The following ULBP3 variants were observed in gnomAD, a reference collection of about 807,000 sequenced individuals.
ULBP3 encodes UL16-binding protein 3.
In ULBP3, 25 loss-of-function variants were observed where a neutral mutation model predicts 24.9. The ratio of observed to expected loss-of-function variants is 1.00; its 90% CI spans 0.73 to 1.40. The LOEUF (loss-of-function observed/expected upper bound fraction) is 1.40, where lower values mean the gene tolerates loss of function less well. ULBP3 is among the 40% of genes most tolerant of loss of function. ULBP3 has a pLI of 0.00. For missense variants in ULBP3, 306 were observed against 307.5 expected (o/e 1.00, Z 0.04); for synonymous variants, 114 against 114.7 (o/e 0.99, Z 0.04).
In ULBP3 at chr6:150,063,025, C is replaced by CCGGGAAG. The variant is rs1237480285; in HGVS notation, c.*342_*348dup. On this transcript the variant is annotated 3_prime_UTR_variant, in exon 5 of 5. Coordinates refer to ENST00000367339, the MANE Select transcript of ULBP3 (RefSeq NM_024518.3). The stretch of plus-strand genomic sequence containing the variant: ...GCTGAGGCAGGAGAATGGCGTGAAC[C>CCGGGAAG]CGGGAAGCGGAGCTTGCAGTGAGCC... 2.8e-5 allele frequency: 4 copies of CCGGGAAG among 143,620 alleles called. No individual in the cohort carries two copies. The East Asian group carries it at 8.4e-4, about 30-fold the overall frequency. 8.9% of individuals were successfully genotyped at this position (143,620 alleles called of 1,614,324 possible). A position where few individuals can be genotyped will look rare whatever the true frequency, so the allele number is the denominator to read the frequency against.
At chr6:150,067,819 C>G (rs931835217) in intron 1 of ULBP3, among the ~76,000 whole-genome samples, 1 of 152,178 alleles carries the variant, frequency 6.6e-6, no homozygotes, top group African/African-American at 2.4e-5. Flanking sequence ...CTATTCCCAA[C>G]CACAGAATCC....
chr6:150,065,697 G>A lies in ULBP3; in HGVS notation c.353-24C>T, dbSNP rs1562520128. 1.3e-5 allele frequency: 21 copies of A among 1,611,578 alleles called. 1 individual carries two copies. Among genetic ancestry groups the A allele is most frequent in the Non-Finnish European group, 1.8e-5 (21 of 1,178,274 alleles). On this transcript the variant is annotated intron_variant, in intron 2 of 4. Transcript: ENST00000367339. ...TCCTGCCCCAATCAGAAAGAGATCAGCCCTGGTGTTTACAAATTCTCTTCC... is the reference window on the plus strand; with the variant it reads ...TCCTGCCCCAATCAGAAAGAGATCAACCCTGGTGTTTACAAATTCTCTTCC...
In ULBP3 at chr6:150,065,510, C is replaced by T. The variant is rs771989736; in HGVS notation, c.516G>A (p.Lys172=). 3.7e-6 allele frequency: 6 copies of T among 1,614,214 alleles called. No homozygotes were observed. Among genetic ancestry groups the T allele is most frequent in the Non-Finnish European group, 5.1e-6 (6 of 1,180,036 alleles). Residue 172 remains lysine, a synonymous_variant, in exon 3 of 5, where the codon AAG becomes AAA. Coordinates refer to ENST00000367339, the MANE Select transcript of ULBP3 (RefSeq NM_024518.3). ...TGGTCAGTCCGCTATCCTTCTCCCA[C>T]TTCTCTTTCATCCGCCTGGCTCCAG... The part of the protein sequence containing the change: ...VHAGARRMKE[K]WEKDSGLTTF...
In ULBP3 at chr6:150,066,030, G is replaced by T. The variant is rs150119539; in HGVS notation, c.221C>A (p.Ser74Tyr). Residue 74 changes from serine to tyrosine, a missense_variant, in exon 2 of 5, where the codon TCT becomes TAT. Coordinates refer to ENST00000367339, the MANE Select transcript of ULBP3 (RefSeq NM_024518.3). ...SYDCGSDKVLSMGHLEEQLYA... is the reference protein window; with the variant it reads ...SYDCGSDKVLYMGHLEEQLYA... Reference sequence around the variant, plus strand: ...CAGCTGCTCTTCTAGGTGACCCATAGATAAGACCTTGTCACTGCCACAGTC... The same window carrying T: ...CAGCTGCTCTTCTAGGTGACCCATATATAAGACCTTGTCACTGCCACAGTC... 20 of 1,614,080 alleles carry T rather than the reference G, an allele frequency of 1.2e-5. No homozygotes were observed. In the Admixed American group the frequency reaches 1.7e-4, roughly 13 times the overall value.
At position 150,066,140 on chromosome 6, in the gene ULBP3, G is replaced by C; in HGVS notation, c.111C>G (p.Asn37Lys). ...GRADAHSLWY[N>K]FTIIHLPRHG... ...GTCTGGGCAAATGAATGATGGTGAAGTTATACCAGAGAGAGTGAGCGTCTA... is the reference window on the plus strand; with the variant it reads ...GTCTGGGCAAATGAATGATGGTGAACTTATACCAGAGAGAGTGAGCGTCTA... The change falls in exon 2 of 5, where the codon AAC becomes AAG. Residue 37 changes from asparagine (N) to lysine (K), a missense_variant. By Grantham distance (94) the Asn-to-Lys change is moderately conservative (BLOSUM62 0). Transcript: ENST00000367339. 3.1e-6 allele frequency: 5 copies of C among 1,613,824 alleles called. No homozygotes were observed. The highest frequency in any genetic ancestry group is 4.2e-6 in the Non-Finnish European group (5 of 1,179,904).
Position 150,064,459 on chromosome 6 carries a change from C to G in ULBP3, c.*22+126G>C. The G allele has an allele frequency of 4.8e-6, 4 of 833,968 alleles. No individual in the cohort carries two copies. The South Asian group carries it at 6.0e-5, about 12-fold the overall frequency. The allele number at this position is 833,968 out of a possible 1,614,324, so 51.7% of individuals were successfully genotyped here. A position where few individuals can be genotyped will look rare whatever the true frequency, so the allele number is the denominator to read the frequency against. On this transcript the variant is annotated intron_variant, in intron 4 of 4. Coordinates refer to ENST00000367339, the MANE Select transcript of ULBP3 (RefSeq NM_024518.3). ...AACAGGCGACACCAGGTCTCATTCA[C>G]CTGTCTCATGTCAGAACGAGAAGGT...
intron 1 of ULBP3, among the ~76,000 whole-genome samples, chr6:150,068,725 C>T (rs1297244113): frequency 6.6e-6 from 1 of 152,240 alleles, no homozygotes; most frequent in African/African-American, 2.4e-5. Context: ...TCGCCCTCTG[C>T]AGCTTTTTGG....
Position 150,066,020 on chromosome 6 carries a change from G to A in ULBP3, c.231C>T (p.His77=). ...CTGTGGCATACAGCTGCTCTTCTAG[G>A]TGACCCATAGATAAGACCTTGTCAC... ...CGSDKVLSMG[H]LEEQLYATDA... The change falls in exon 2 of 5, where the codon CAC becomes CAT. Residue 77 remains histidine, a synonymous_variant. Coordinates refer to ENST00000367339, the MANE Select transcript of ULBP3 (RefSeq NM_024518.3). 2 of 1,614,158 alleles carry A rather than the reference G, an allele frequency of 1.2e-6. No homozygotes were observed. Among genetic ancestry groups the A allele is most frequent in the South Asian group, 1.1e-5 (1 of 91,086 alleles).
chr6:150,064,997 CG>C (rs1398855593), intron 3 of ULBP3, among the ~76,000 whole-genome samples: 1 of 152,046 alleles, frequency 6.6e-6, no homozygotes, highest in African/African-American at 2.4e-5. Context: ...AGGAGAGTCT[CG>C]GGGCTGCCAT....
rs996290685 is a variant in ULBP3 at position 150,063,359 on chromosome 6, A to G, written c.*23-8T>C. 3.1e-6 allele frequency: 3 copies of G among 978,598 alleles called. No individual in the cohort carries two copies. The African/African-American group carries it at 5.3e-5, about 17-fold the overall frequency. 60.6% of individuals were successfully genotyped at this position (978,598 alleles called of 1,614,324 possible). On this transcript the variant is annotated splice_region_variant and splice_polypyrimidine_tract_variant and intron_variant, in intron 4 of 4. Transcript: ENST00000367339. ...CTTGATATCACCTTCCACCTTGAGGAAAGATGAAGCATTGGTTTAAGTGGC... is the reference window on the plus strand; with the variant it reads ...CTTGATATCACCTTCCACCTTGAGGGAAGATGAAGCATTGGTTTAAGTGGC...
chr6:150,063,478 C>T, intron 4 of ULBP3, 127 bp from the exon 5 acceptor site: 1 of 380,308 alleles, frequency 2.6e-6, no homozygotes, highest in Non-Finnish European at 3.6e-6. Context: ...GTTTTTCCCT[C>T]CAACCCTACC....
At position 150,069,032 on chromosome 6, in the gene ULBP3, C is replaced by A. The variant is rs934380315; in HGVS notation, c.35G>T (p.Arg12Leu). Reference protein sequence around the residue: ...AAAASPAILPRLAILPYLLFD... With the variant: ...AAAASPAILPLLAILPYLLFD... ...TAGCAGGTACGGAAGAATCGCGAGG[C>A]GCGGAAGGATCGCGGGGCTGGCGGC... The change falls in exon 1 of 5, where the codon CGC becomes CTC. Residue 12 changes from arginine (R) to leucine (L), a missense_variant. Transcript: ENST00000367339. The A allele has an allele frequency of 6.2e-7, 1 of 1,612,386 alleles. No homozygotes were observed. Among genetic ancestry groups the A allele is most frequent in the South Asian group, 1.1e-5 (1 of 90,888 alleles).
At chr6:150,067,553 A>C (rs1396505996) in intron 1 of ULBP3, among the ~76,000 whole-genome samples, 1 of 152,168 alleles carries the variant, frequency 6.6e-6, no homozygotes, top group Non-Finnish European at 1.5e-5. Flanking sequence ...AGACCCATTC[A>C]ATGGTAATTT....
intron 4 of ULBP3, among the ~76,000 whole-genome samples, chr6:150,064,009 C>T (rs1776309895): frequency 6.6e-6 from 1 of 152,220 alleles, no homozygotes; most frequent in African/African-American, 2.4e-5. Context: ...TCCTAAACCT[C>T]ATCCTGGACA....
At chr6:150,068,050 TG>T (rs1202596792) in intron 1 of ULBP3, among the ~76,000 whole-genome samples, 1 of 152,032 alleles carries the variant, frequency 6.6e-6, no homozygotes, top group African/African-American at 2.4e-5. Context: ...AAGACACAGG[TG>T]GGTCTCCTGG....
intron 1 of ULBP3, among the ~76,000 whole-genome samples, chr6:150,067,457 C>T (rs11966420): frequency 0.019 from 2,889 of 152,276 alleles, 106 homozygotes; most frequent in African/African-American, 0.066. Flanking sequence ...TAACTTGCTC[C>T]CCTGTTACTC....
chr6:150,061,934 G>C lies in ULBP3; in HGVS notation c.*1440C>G, dbSNP rs1394379858. Among the ~76,000 whole-genome samples the C allele has an allele frequency of 6.6e-6, 1 of 152,240 alleles. No individual in the cohort carries two copies. The highest frequency in any genetic ancestry group is 2.4e-5 in the African/African-American group (1 of 41,458). ...ATCTCCAACTTTGTGACTGGTAAGA[G>C]ATGGTAACTCATTGCAGTTTTGATT... On this transcript the variant is annotated 3_prime_UTR_variant, in exon 5 of 5. Coordinates refer to ENST00000367339, the MANE Select transcript of ULBP3 (RefSeq NM_024518.3).
At chr6:150,067,700 T>C (rs561369922) in intron 1 of ULBP3, among the ~76,000 whole-genome samples, 1 of 152,284 alleles carries the variant, frequency 6.6e-6, no homozygotes, top group East Asian at 1.9e-4. Context: ...CCATACACAC[T>C]CTGTGATGAG....
chr6:150,065,986 C>A lies in ULBP3; in HGVS notation c.265G>T (p.Gly89Ter), dbSNP rs1391410577. 6.2e-7 allele frequency: 1 copy of A among 1,614,184 alleles called. No homozygotes were observed. Among genetic ancestry groups the A allele is most frequent in the East Asian group, 2.2e-5 (1 of 44,884 alleles). ...EEQLYATDAW[G>*]KQLEMLREVG... Reference sequence around the variant, plus strand: ...TCTCTCAGCATTTCCAGTTGTTTTCCCCAGGCATCTGTGGCATACAGCTGC... The same window carrying A: ...TCTCTCAGCATTTCCAGTTGTTTTCACCAGGCATCTGTGGCATACAGCTGC... Residue 89 changes from glycine (G) to a stop codon, truncating the protein, a stop_gained, in exon 2 of 5, where the codon GGA (glycine) becomes TGA (stop). Transcript: ENST00000367339. LOFTEE classifies it high-confidence loss of function.
Sources: gnomAD v4.1 joint callset for allele counts (sites outside exome capture counted in the v4.1 genomes callset) on GRCh38, gnomAD v4.1.1 for gene constraint, MANE v1.5 for transcripts, NCBI Gene and HGNC (gene_info 2026-07-23, HGNC 2026-07-21) for gene names.